The following RAB22A variants were observed in gnomAD, a reference collection of about 807,000 sequenced individuals.
RAB22A encodes RAB22A, member RAS oncogene family, also known as ras-related protein Rab-22A.
Under a neutral mutation model 30.2 loss-of-function variants are expected in RAB22A, and 13 were observed. That is an observed-to-expected ratio of 0.43 (90% CI 0.28 to 0.68). RAB22A has a LOEUF of 0.68. Ranked by LOEUF, RAB22A falls within the 30% of genes least tolerant of loss-of-function variation. The pLI, the probability that RAB22A is intolerant of heterozygous loss-of-function variation, is 0.18. For synonymous variants in RAB22A, 89 were observed against 87.2 expected (o/e 1.02, Z -0.11); for missense variants, 177 against 246.8 (o/e 0.72, Z 1.89).
At chr20:58,348,112 A>G (rs1346966085) in intron 3 of RAB22A, among the ~76,000 whole-genome samples, 1 of 152,158 alleles carries the variant, frequency 6.6e-6, no homozygotes, top group Non-Finnish European at 1.5e-5. Flanking sequence ...CTGTGGTCCC[A>G]GCTACTCGGA....
In RAB22A at chr20:58,353,341, A is replaced by G. The variant is rs371729237; in HGVS notation, c.267A>G (p.Lys89=). Residue 89 remains lysine (K), a synonymous_variant, in exon 4 of 7, where the codon AAA becomes AAG. Transcript: ENST00000244040. ...CTATAATCGTTTATGATATCACAAA[A>G]GAAGTAAGACTATATAGTTTTCTTT... is the stretch of plus-strand genomic sequence containing the variant. ...AAAIIVYDIT[K]EETFSTLKNW... The G allele has an allele frequency of 2.5e-6, 4 of 1,613,642 alleles. No homozygotes were observed. The African/African-American group carries it at 5.3e-5, about 22-fold the overall frequency.
chr20:58,341,355 A>G (rs1986850648), intron 2 of RAB22A, among the ~76,000 whole-genome samples: 1 of 152,056 alleles, frequency 6.6e-6, no homozygotes, highest in Admixed American at 6.5e-5. Context: ...TAGTTTTGTA[A>G]TTTTTCCTCC....
chr20:58,314,435 G>A (rs1335681277), intron 2 of RAB22A, among the ~76,000 whole-genome samples: 1 of 152,242 alleles, frequency 6.6e-6, no homozygotes, highest in Non-Finnish European at 1.5e-5. Context: ...ACATGTGACA[G>A]GGACCTGACC....
chr20:58,314,599 C>T (rs897413936), intron 2 of RAB22A, among the ~76,000 whole-genome samples: 2 of 151,916 alleles, frequency 1.3e-5, no homozygotes, highest in Non-Finnish European at 2.9e-5. Context: ...CCAGCACTTT[C>T]GGAGGCCAAG....
rs1986239572 is a variant in RAB22A, at chr20:58,312,145, A to G, written c.116+1023A>G. Among the ~76,000 whole-genome samples the G allele has an allele frequency of 2.0e-5, 3 of 151,976 alleles. No individual in the cohort carries two copies. The South Asian group carries it at 6.2e-4, about 32-fold the overall frequency. ...TAATTTTGTATTTTTAGTAGAGACA[A>G]GGTCTCACCGTGTTTGCCATGCTGG... is the stretch of plus-strand genomic sequence containing the variant. On this transcript the variant is annotated intron_variant, in intron 2 of 6. Coordinates refer to ENST00000244040, the MANE Select transcript of RAB22A (RefSeq NM_020673.3).
rs1226963187 is a variant in RAB22A, at chr20:58,360,180, T to C, written c.*477T>C. ...AGTTTAAGTGTAGGGAGGACAATTA[T>C]TGTCTGAAGCTAAAATGGGTTATTT... On this transcript the variant is annotated 3_prime_UTR_variant, in exon 7 of 7. Coordinates refer to ENST00000244040, the MANE Select transcript of RAB22A (RefSeq NM_020673.3). 6.6e-6 allele frequency: 1 copy of C among 152,628 alleles called. No homozygotes were observed. The highest frequency in any genetic ancestry group is 1.5e-5 in the Non-Finnish European group (1 of 68,074). 9.5% of individuals were successfully genotyped at this position (152,628 alleles called of 1,614,324 possible). A position where few individuals can be genotyped will look rare whatever the true frequency, so the allele number is the denominator to read the frequency against.
At chr20:58,313,769 CTG>C (rs1268024920) in intron 2 of RAB22A, among the ~76,000 whole-genome samples, 1 of 152,210 alleles carries the variant, frequency 6.6e-6, no homozygotes, top group Non-Finnish European at 1.5e-5. Context: ...GGTGGGCAAA[CTG>C]TGGCCTTTTT....
rs1241410804 is a variant in RAB22A at position 58,364,558 on chromosome 20, A to G, written c.*4855A>G. 2.0e-5 allele frequency: 3 copies of G among 152,186 alleles called. No homozygotes were observed. The highest frequency in any genetic ancestry group is 6.5e-5 in the Admixed American group (1 of 15,284). The allele number at this position is 152,186 out of a possible 1,614,324, so 9.4% of individuals were successfully genotyped here. A position where few individuals can be genotyped will look rare whatever the true frequency, so the allele number is the denominator to read the frequency against. ...TGAAATTAAAACCGTGGTGTCTAACAGATTTAACAAAAAGTGTTTAATTTA... is the reference window on the plus strand; with the variant it reads ...TGAAATTAAAACCGTGGTGTCTAACGGATTTAACAAAAAGTGTTTAATTTA... On this transcript the variant is annotated 3_prime_UTR_variant, in exon 7 of 7. Coordinates refer to ENST00000244040, the MANE Select transcript of RAB22A (RefSeq NM_020673.3).
intron 3 of RAB22A, 37 bp downstream of exon 3, chr20:58,343,836 CCCAAATGAAAGTT>C (rs1454559306): frequency 6.6e-7 from 1 of 1,506,166 alleles, no homozygotes; most frequent in Non-Finnish European, 9.2e-7. Flanking sequence ...TTTTCTGAGG[CCCAAATGAAAGTT>C]CCAACTAAAC....
chr20:58,330,912 G>C (rs1986651094), intron 2 of RAB22A, among the ~76,000 whole-genome samples: 1 of 152,142 alleles, frequency 6.6e-6, no homozygotes, highest in Non-Finnish European at 1.5e-5. Flanking sequence ...ATAGGAATCA[G>C]CTGTGGCTCT....
At chr20:58,321,054 G>T (rs530616776) in intron 2 of RAB22A, among the ~76,000 whole-genome samples, 1 of 152,314 alleles carries the variant, frequency 6.6e-6, no homozygotes, top group East Asian at 1.9e-4. Context: ...GCTGGGCGTG[G>T]TGGCACACGC....
intron 3 of RAB22A, among the ~76,000 whole-genome samples, chr20:58,344,612 G>A (rs1476988005): frequency 1.3e-5 from 2 of 152,140 alleles, no homozygotes; most frequent in East Asian, 1.9e-4. Flanking sequence ...CAAACAGTAC[G>A]ATCCAAACAG....
chr20:58,354,422 T>G (rs1987101569), intron 6 of RAB22A, among the ~76,000 whole-genome samples, 157 bp downstream of exon 6: 1 of 152,226 alleles, frequency 6.6e-6, no homozygotes, highest in African/African-American at 2.4e-5. Flanking sequence ...TGTCCAGTTT[T>G]CATATCATGT....
intron 3 of RAB22A, among the ~76,000 whole-genome samples, chr20:58,350,799 A>G (rs1987034950): frequency 6.6e-6 from 1 of 152,234 alleles, no homozygotes; most frequent in South Asian, 2.1e-4. Flanking sequence ...GGTAATTCAG[A>G]TCCATAGGAA....
At chr20:58,330,600 T>C (rs1305439363) in intron 2 of RAB22A, among the ~76,000 whole-genome samples, 3 of 152,246 alleles carry the variant, frequency 2.0e-5, no homozygotes, top group Admixed American at 1.3e-4. Context: ...AATGTTAAAT[T>C]ATGGGCTAAT....
intron 3 of RAB22A, chr20:58,345,938 A>G (rs542197034): frequency 6.6e-6 from 1 of 152,566 alleles, no homozygotes; most frequent in African/African-American, 2.4e-5. Context: ...ACCAACCTCC[A>G]ATGTCACCTA....
At chr20:58,351,877 A>G (rs1466992629) in intron 3 of RAB22A, among the ~76,000 whole-genome samples, 1 of 152,248 alleles carries the variant, frequency 6.6e-6, no homozygotes, top group African/African-American at 2.4e-5. Context: ...TGAACTGCTG[A>G]ACCTTCCACT....
intron 3 of RAB22A, among the ~76,000 whole-genome samples, chr20:58,348,663 G>C (rs1986991649): frequency 1.3e-5 from 2 of 152,136 alleles, no homozygotes; most frequent in Admixed American, 1.3e-4. Context: ...AGCTTTCATG[G>C]AACATAGCCA....
intron 2 of RAB22A, among the ~76,000 whole-genome samples, chr20:58,312,413 G>A (rs1298180162): frequency 6.9e-6 from 1 of 144,202 alleles, no homozygotes; most frequent in Non-Finnish European, 1.5e-5. Context: ...ATCACACCTG[G>A]CTAAATTTTG....
Sources: allele counts gnomAD v4.1 joint callset (sites outside exome capture counted in the v4.1 genomes callset), GRCh38; gene constraint gnomAD v4.1.1; transcripts MANE v1.5; gene names NCBI Gene and HGNC (gene_info 2026-07-23, HGNC 2026-07-21).